Variants in BEND2 observed in about 807,000 individuals in gnomAD.
BEND2 encodes the protein BEN domain containing 2, also known as BEN domain-containing protein 2.
BEND2 carries 19 observed loss-of-function variants against 43.8 expected under a neutral mutation model. That is an observed-to-expected ratio of 0.43 (90% CI 0.30 to 0.64). The LOEUF is 0.64. Ranked by LOEUF, BEND2 falls within the 30% of genes least tolerant of loss-of-function variation. The pLI is 0.11. For synonymous variants in BEND2, 226 were observed against 210.1 expected (o/e 1.08, Z -0.66); for missense variants, 544 against 574.0 (o/e 0.95, Z 0.53).
At chrX:18,167,074 A>C (rs1305474314) in intron 13 of BEND2, among the ~76,000 whole-genome samples, 1 of 110,799 alleles carries the variant, frequency 9.0e-6, no homozygotes, top group Admixed American at 9.7e-5. Flanking sequence ...TGAACCCAAG[A>C]GTTTGAGACC....
Position 18,191,102 on chromosome X carries a change from C to A in BEND2, c.1187G>T (p.Gly396Val). The A allele has an allele frequency of 8.4e-7, 1 of 1,194,673 alleles. No individual in the cohort carries two copies. The change falls in exon 8 of 14, where the codon GGC becomes GTC. Residue 396 changes from glycine to valine, a missense_variant. Physicochemically the swap from Gly to Val is moderately radical, Grantham distance 109 (BLOSUM62 -3). Coordinates refer to ENST00000380033, the MANE Select transcript of BEND2 (RefSeq NM_153346.5). Reference protein sequence around the residue: ...YLPITSNFESGPQMSYGTMSY... With the variant: ...YLPITSNFESVPQMSYGTMSY... ...CATTGTCCCATAACTCATTTGTGGG[C>A]CAGATTCTGTTTTGAACAACATTTC...
At chrX:18,168,570 G>C (rs1368172448) in intron 13 of BEND2, among the ~76,000 whole-genome samples, 1 of 111,336 alleles carries the variant, frequency 9.0e-6, no homozygotes, top group Non-Finnish European at 1.9e-5. Flanking sequence ...CTATAGCTAA[G>C]ATTTGACAGT....
At chrX:18,206,992 T>G (rs1243741407) in intron 4 of BEND2, among the ~76,000 whole-genome samples, 1 of 111,740 alleles carries the variant, frequency 8.9e-6, no homozygotes, top group East Asian at 2.8e-4. Context: ...CATTTCAGGC[T>G]GACCATGGCC....
In BEND2 at chrX:18,180,495, T is replaced by C; in HGVS notation, c.1429+15A>G. The C allele has an allele frequency of 1.7e-6, 2 of 1,207,387 alleles. No homozygotes were observed. Among genetic ancestry groups the C allele is most frequent in the Non-Finnish European group, 2.2e-6 (2 of 892,135 alleles). ...CAAATAGTGCCACTTATAATGTGTG[T>C]TATTTCAAACTCACCATACTTGGGA... On this transcript the variant is annotated intron_variant, in intron 9 of 13. Transcript: ENST00000380033.
intron 13 of BEND2, among the ~76,000 whole-genome samples, chrX:18,168,849 G>A (rs1383471656): frequency 8.9e-6 from 1 of 112,106 alleles, no homozygotes. Context: ...GAATAAATTG[G>A]TTTATTCATT....
intron 8 of BEND2, among the ~76,000 whole-genome samples, chrX:18,182,156 G>T (rs914307861): frequency 9.0e-6 from 1 of 111,497 alleles, no homozygotes; most frequent in Non-Finnish European, 1.9e-5. Flanking sequence ...TGGAGGAGGG[G>T]CCTGGTGGGA....
At chrX:18,217,922 A>T (rs1052591213) in intron 1 of BEND2, among the ~76,000 whole-genome samples, 17 of 104,546 alleles carry the variant, frequency 1.6e-4, no homozygotes, top group Admixed American at 6.3e-4. Flanking sequence ...CTCTACCAAA[A>T]AATAATAATA....
At chrX:18,213,581 A>T (rs1299197858) in intron 3 of BEND2, among the ~76,000 whole-genome samples, 193 bp downstream of exon 3, 1 of 111,475 alleles carries the variant, frequency 9.0e-6, no homozygotes, top group Non-Finnish European at 1.9e-5. Flanking sequence ...CAAGTTAGAT[A>T]AATGCAGACT....
intron 8 of BEND2, among the ~76,000 whole-genome samples, chrX:18,183,041 C>T (rs1463873955): frequency 7.8e-5 from 2 of 25,480 alleles, no homozygotes; most frequent in East Asian, 1.4e-3. Flanking sequence ...GACTCTGTCT[C>T]CAAAAAAAAA....
intron 6 of BEND2, among the ~76,000 whole-genome samples, chrX:18,197,467 C>T (rs1194678816): frequency 9.0e-6 from 1 of 111,599 alleles, no homozygotes; most frequent in Admixed American, 9.5e-5. Flanking sequence ...ATTTCAAAAA[C>T]GAGCTACTAC....
At position 18,174,222 on chromosome X, in the gene BEND2, C is replaced by T; in HGVS notation, c.1789G>A (p.Val597Ile). Residue 597 changes from valine (V) to isoleucine (I), a missense_variant, in exon 12 of 14, where the codon GTT becomes ATT. By Grantham distance (29) the Val-to-Ile change is conservative. Transcript: ENST00000380033. The part of the protein sequence containing the change: ...VRKNKKRTNR[V>I]ASASADRNDQ... ...TTTCTATCTGCAGATGCCGATGCAA[C>T]ACGGTTGGTACGTTTTTTATTTTTG... 8.3e-7 allele frequency: 1 copy of T among 1,211,477 alleles called. No individual in the cohort carries two copies. Among genetic ancestry groups the T allele is most frequent in the Non-Finnish European group, 1.1e-6 (1 of 895,386 alleles).
Position 18,177,694 on chromosome X carries a change from G to C in BEND2, c.1505C>G (p.Pro502Arg). 8.3e-7 allele frequency: 1 copy of C among 1,210,629 alleles called. No homozygotes were observed. Among genetic ancestry groups the C allele is most frequent in the Non-Finnish European group, 1.1e-6 (1 of 894,876 alleles). ...HLLAVQNMAK[P>R]KQAACYLVRI... ...AACCAAGTAGCAGGCTGCTTGCTTAGGTTTGGCCATATTTTGTACGGCCAG... is the reference window on the plus strand; with the variant it reads ...AACCAAGTAGCAGGCTGCTTGCTTACGTTTGGCCATATTTTGTACGGCCAG... Residue 502 changes from proline to arginine, a missense_variant, in exon 10 of 14, where the codon CCT becomes CGT. By Grantham distance (103) the Pro-to-Arg change is moderately radical. Transcript: ENST00000380033.
In BEND2 at chrX:18,201,975, A is replaced by G. The variant is rs765870347; in HGVS notation, c.908-35T>C. On this transcript the variant is annotated intron_variant, in intron 5 of 13. Coordinates refer to ENST00000380033, the MANE Select transcript of BEND2 (RefSeq NM_153346.5). ...AAAAGTTTTCAAGAGCTGTAATACAAGAACTTCACCCACAAATTCTATACA... is the reference window on the plus strand; with the variant it reads ...AAAAGTTTTCAAGAGCTGTAATACAGGAACTTCACCCACAAATTCTATACA... 3.4e-6 allele frequency: 4 copies of G among 1,170,265 alleles called. No individual in the cohort carries two copies. In the South Asian group the frequency reaches 5.6e-5, roughly 17 times the overall value.
chrX:18,200,657 G>A (rs1166427284), intron 6 of BEND2, among the ~76,000 whole-genome samples: 1 of 111,054 alleles, frequency 9.0e-6, no homozygotes, highest in Admixed American at 9.6e-5. Flanking sequence ...TTCTTGAAGT[G>A]ACAAAATTAT....
At chrX:18,194,374 G>GA (rs1924871121) in intron 7 of BEND2, among the ~76,000 whole-genome samples, 1 of 105,699 alleles carries the variant, frequency 9.5e-6, no homozygotes, top group Admixed American at 1.0e-4. Context: ...AAAATTGAAA[G>GA]AAAAAACCAG....
intron 6 of BEND2, among the ~76,000 whole-genome samples, chrX:18,201,104 G>A (rs1925128865): frequency 9.0e-6 from 1 of 111,702 alleles, no homozygotes; most frequent in Non-Finnish European, 1.9e-5. Context: ...AAAAATACTG[G>A]TGAATCAGGC....
intron 1 of BEND2, among the ~76,000 whole-genome samples, chrX:18,217,922 AAATAAT>A (rs56310183): frequency 2.4e-4 from 25 of 104,522 alleles, no homozygotes; most frequent in African/African-American, 7.1e-4. Flanking sequence ...CTCTACCAAA[AAATAAT>A]AATAATAATA....
At chrX:18,189,805 G>A (rs1287095924) in intron 8 of BEND2, among the ~76,000 whole-genome samples, 2 of 111,138 alleles carry the variant, frequency 1.8e-5, no homozygotes, top group African/African-American at 3.3e-5. Context: ...ATACCTATCA[G>A]AATGGCTAAG....
Position 18,200,959 on chromosome X carries a change from T to C in BEND2, c.1033+856A>G, listed in dbSNP as rs1054382285. ...TTGGATGTGATATTTTACTATAGTT[T>C]TAAAGATGTCATCCTTTGGGGGAAA... On this transcript the variant is annotated intron_variant, in intron 6 of 13. Transcript: ENST00000380033. Among the ~76,000 whole-genome samples, 5 of 112,425 alleles carry C rather than the reference T, an allele frequency of 4.4e-5. No individual in the cohort carries two copies. The Admixed American group carries it at 4.7e-4, about 11-fold the overall frequency.
Sources: allele counts gnomAD v4.1 joint callset (sites outside exome capture counted in the v4.1 genomes callset), GRCh38; gene constraint gnomAD v4.1.1; transcripts MANE v1.5; gene names NCBI Gene and HGNC (gene_info 2026-07-23, HGNC 2026-07-21).